The following ZBTB38 variants were observed in gnomAD, a reference collection of about 807,000 sequenced individuals.
The protein encoded by ZBTB38 is zinc finger and BTB domain containing 38.
Under a neutral mutation model 76.8 loss-of-function variants are expected in ZBTB38, and 20 were observed. That is an observed-to-expected ratio of 0.26 (90% CI 0.18 to 0.38). ZBTB38 has a LOEUF of 0.38. Among genes scored for constraint, ZBTB38 ranks in the 10% least tolerant of loss-of-function variants. The pLI, the probability that ZBTB38 is intolerant of heterozygous loss-of-function variation, is 1.00. For missense variants in ZBTB38, 1,082 were observed against 1,482.3 expected (o/e 0.73, Z 4.43); for synonymous variants, 504 against 544.2 (o/e 0.93, Z 1.03).
At chr3:141,353,819 T>C (rs56342944) in intron 1 of ZBTB38, among the ~76,000 whole-genome samples, 4,331 of 152,256 alleles carry the variant, frequency 0.028, 94 homozygotes, top group African/African-American at 0.042. Context: ...TGTTACTCAC[T>C]GTAGATGGAG....
At chr3:141,441,108 G>A (rs754150917) in intron 5 of ZBTB38, among the ~76,000 whole-genome samples, 28 of 151,934 alleles carry the variant, frequency 1.8e-4, no homozygotes, top group Admixed American at 5.9e-4. Context: ...ATCACACCTA[G>A]TAAGGGTGAG....
chr3:141,367,713 A>C (rs534388728), upstream of ZBTB38: 1 of 152,372 alleles, frequency 6.6e-6, no homozygotes, highest in South Asian at 2.1e-4. Context: ...AGCATTAGGA[A>C]TATTAATAGT....
intron 1 of ZBTB38, among the ~76,000 whole-genome samples, chr3:141,336,873 T>G (rs1315534073): frequency 6.6e-6 from 1 of 152,206 alleles, no homozygotes; most frequent in Non-Finnish European, 1.5e-5. Context: ...AAACACCTTC[T>G]GATGGGTGAG....
chr3:141,402,499 A>AGGCGCGGCGC (rs550094177), intron 4 of ZBTB38: 2 of 144,974 alleles, frequency 1.4e-5, no homozygotes, highest in African/African-American at 5.0e-5. Flanking sequence ...GGGCGGGGCG[A>AGGCGCGGCGC]GGCGCGGCCT....
At position 141,447,997 on chromosome 3, in the gene ZBTB38, GAGAT is replaced by G. The variant is rs1385104582; in HGVS notation, c.*2024_*2027del. On this transcript the variant is annotated 3_prime_UTR_variant, in exon 6 of 6. Coordinates refer to ENST00000321464, the MANE Select transcript of ZBTB38 (RefSeq NM_001376113.1). ...CACTATTCATTTGGGTTTTATTAAA[GAGAT>G]AGTCACAAAGGGCTTACGAAAATCA... 2.0e-5 allele frequency: 3 copies of G among 152,606 alleles called. No homozygotes were observed. Among genetic ancestry groups the G allele is most frequent in the African/African-American group, 4.8e-5 (2 of 41,454 alleles). The allele number at this position is 152,606 out of a possible 1,614,324, so 9.5% of individuals were successfully genotyped here. A position where few individuals can be genotyped will look rare whatever the true frequency, so the allele number is the denominator to read the frequency against.
intron 1 of ZBTB38, among the ~76,000 whole-genome samples, chr3:141,336,709 A>G (rs1231220518): frequency 1.3e-5 from 2 of 152,180 alleles, no homozygotes; most frequent in Non-Finnish European, 2.9e-5. Context: ...GTTTCTCACT[A>G]GGGCCACGGT....
At chr3:141,441,032 CAAAAA>C (rs202075469) in intron 5 of ZBTB38, among the ~76,000 whole-genome samples, 1 of 64,622 alleles carries the variant, frequency 1.5e-5, no homozygotes, top group Non-Finnish European at 3.6e-5. Flanking sequence ...GACTCAATCT[CAAAAA>C]AAAAAAAAAA....
At position 141,445,194 on chromosome 3, in the gene ZBTB38, A is replaced by G; in HGVS notation, c.2806A>G (p.Lys936Glu). 1 of 1,614,160 alleles carries G rather than the reference A, an allele frequency of 6.2e-7. No homozygotes were observed. Among genetic ancestry groups the G allele is most frequent in the Non-Finnish European group, 8.5e-7 (1 of 1,180,010 alleles). Residue 936 changes from lysine (K) to glutamate (E), a missense_variant, in exon 6 of 6, where the codon AAA becomes GAA. Coordinates refer to ENST00000321464, the MANE Select transcript of ZBTB38 (RefSeq NM_001376113.1). This position sits in a 1 kb window ranked among gnomAD's most constrained non-coding sequence, Gnocchi z 6.5. ...ATCCAGACAGTTGAAAAAAATGAGG[A>G]AAGTCAACTGGAGGAAGGAGCACGG... ...KKSRQLKKMRKVNWRKEHGNR... is the reference protein window; with the variant it reads ...KKSRQLKKMREVNWRKEHGNR...
At chr3:141,441,489 C>G (rs987603961) in intron 5 of ZBTB38, among the ~76,000 whole-genome samples, 4 of 152,196 alleles carry the variant, frequency 2.6e-5, no homozygotes, top group South Asian at 2.1e-4. Context: ...TCTACTTTGT[C>G]TCTACTAAAG....
Position 141,446,787 on chromosome 3 carries a change from A to G in ZBTB38, c.*811A>G, listed in dbSNP as rs2151022483. Reference sequence around the variant, plus strand: ...GCTGTTCTTAGAACTGGTCTACTCAATTCACAGAAAACATAGGTCATGCCT... The same window carrying G: ...GCTGTTCTTAGAACTGGTCTACTCAGTTCACAGAAAACATAGGTCATGCCT... On this transcript the variant is annotated 3_prime_UTR_variant, in exon 6 of 6. Transcript: ENST00000321464. The G allele has an allele frequency of 6.5e-6, 1 of 152,672 alleles. No homozygotes were observed. Among genetic ancestry groups the G allele is most frequent in the East Asian group, 1.9e-4 (1 of 5,202 alleles). 9.5% of individuals were successfully genotyped at this position (152,672 alleles called of 1,614,324 possible).
chr3:141,433,778 A>T (rs1019589554), intron 5 of ZBTB38, among the ~76,000 whole-genome samples: 2 of 152,366 alleles, frequency 1.3e-5, no homozygotes, highest in South Asian at 2.1e-4. Flanking sequence ...TATATAAAGC[A>T]AATCCAGCTT....
chr3:141,349,153 A>T (rs1253792042), intron 1 of ZBTB38, among the ~76,000 whole-genome samples: 1 of 152,166 alleles, frequency 6.6e-6, no homozygotes, highest in African/African-American at 2.4e-5. Flanking sequence ...ACTCCACTAA[A>T]AATCTGACAG....
intron 1 of ZBTB38, among the ~76,000 whole-genome samples, chr3:141,352,920 C>T (rs546795183): frequency 6.6e-6 from 1 of 151,978 alleles, no homozygotes; most frequent in African/African-American, 2.4e-5. Flanking sequence ...AACATAAGAA[C>T]CCCCAAATAA....
chr3:141,411,722 A>C (rs1389885475), intron 5 of ZBTB38, among the ~76,000 whole-genome samples: 1 of 152,222 alleles, frequency 6.6e-6, no homozygotes. Context: ...CCTGACCTTT[A>C]AAATTTTTCC....
Position 141,445,287 on chromosome 3 carries a change from C to T in ZBTB38, c.2899C>T (p.Gln967Ter). The change falls in exon 6 of 6, where the codon CAG becomes TAG. Residue 967 changes from glutamine to a stop codon, truncating the protein, a stop_gained. Coordinates refer to ENST00000321464, the MANE Select transcript of ZBTB38 (RefSeq NM_001376113.1). LOFTEE classifies it high-confidence loss of function. The surrounding 1 kb of genome is among the most constrained non-coding windows in gnomAD (Gnocchi z 6.5). Reference sequence around the variant, plus strand: ...GGATTGCGCCGTGGGGAAGGCTCCTCAGGATAAACCCTTTGAGGAAGAAGA... The same window carrying T: ...GGATTGCGCCGTGGGGAAGGCTCCTTAGGATAAACCCTTTGAGGAAGAAGA... ...ELDCAVGKAP[Q>*]DKPFEEEETK... 1 of 1,614,178 alleles carries T rather than the reference C, an allele frequency of 6.2e-7. No homozygotes were observed. Among genetic ancestry groups the T allele is most frequent in the Non-Finnish European group, 8.5e-7 (1 of 1,180,032 alleles).
intron 5 of ZBTB38, among the ~76,000 whole-genome samples, chr3:141,429,179 A>T (rs1358309610): frequency 6.6e-6 from 1 of 152,196 alleles, no homozygotes; most frequent in Non-Finnish European, 1.5e-5. Context: ...GCCGTGGAAA[A>T]GTCAAAAAGC....
chr3:141,407,886 T>C lies in ZBTB38; in HGVS notation c.-1+3855T>C, dbSNP rs528240684. Among the ~76,000 whole-genome samples the C allele has an allele frequency of 3.9e-5, 6 of 152,286 alleles. No individual in the cohort carries two copies. In the South Asian group the frequency reaches 1.2e-3, roughly 32 times the overall value. On this transcript the variant is annotated intron_variant, in intron 5 of 5. Transcript: ENST00000321464. ...ATATGCATAATCAGACAAAAACAAATACGTTCCAGAGAGTCAGGGAATGGT... is the reference window on the plus strand; with the variant it reads ...ATATGCATAATCAGACAAAAACAAACACGTTCCAGAGAGTCAGGGAATGGT...
intron 4 of ZBTB38, among the ~76,000 whole-genome samples, chr3:141,393,452 T>C (rs1949479870): frequency 6.6e-6 from 1 of 152,212 alleles, no homozygotes; most frequent in African/African-American, 2.4e-5. Flanking sequence ...CATTTTTTTT[T>C]CCTTTTCTCT....
chr3:141,433,801 T>TA (rs2078140283), intron 5 of ZBTB38, among the ~76,000 whole-genome samples: 2 of 152,280 alleles, frequency 1.3e-5, no homozygotes, highest in Admixed American at 1.3e-4. Flanking sequence ...CACAAATAGG[T>TA]AGTTGGAAAG....
Sources: allele counts gnomAD v4.1 joint callset (sites outside exome capture counted in the v4.1 genomes callset), GRCh38; gene constraint gnomAD v4.1.1; non-coding constraint Gnocchi (gnomAD v3.1); transcripts MANE v1.5; gene names NCBI Gene and HGNC (gene_info 2026-07-23, HGNC 2026-07-21).